REV1: variants seen among roughly 807,000 people sequenced by gnomAD.
REV1 encodes the protein REV1 DNA directed polymerase.
REV1 carries 42 observed loss-of-function variants against 137.4 expected under a neutral mutation model. That is an observed-to-expected ratio of 0.31 (90% CI 0.24 to 0.40). The LOEUF (loss-of-function observed/expected upper bound fraction) is 0.40. REV1 is among the 10% of genes least tolerant of loss of function. The pLI is 1.00. For missense variants in REV1, 1,282 were observed against 1,490.1 expected (o/e 0.86, Z 2.30); for synonymous variants, 524 against 519.2 (o/e 1.01, Z -0.12).
chr2:99,470,284 T>C (rs745671872), intron 1 of REV1, among the ~76,000 whole-genome samples: 1 of 151,888 alleles, frequency 6.6e-6, no homozygotes, highest in Non-Finnish European at 1.5e-5. Flanking sequence ...CTAAAGTCTG[T>C]TGATTAACTA....
At chr2:99,464,774 A>G (rs931697742) in intron 2 of REV1, 148 bp downstream of exon 2, 12 of 696,310 alleles carry the variant, frequency 1.7e-5, no homozygotes, top group South Asian at 6.8e-5. Context: ...TATAAACATC[A>G]TAAGGCTTTC....
intron 4 of REV1, among the ~76,000 whole-genome samples, chr2:99,443,371 ATT>A (rs1340712127): frequency 6.6e-6 from 1 of 152,202 alleles, no homozygotes; most frequent in Non-Finnish European, 1.5e-5. Flanking sequence ...TATGTTTCTT[ATT>A]GTCTCATAAA....
intron 9 of REV1, among the ~76,000 whole-genome samples, chr2:99,425,909 G>T (rs563052134): frequency 5.3e-5 from 8 of 152,076 alleles, no homozygotes; most frequent in African/African-American, 1.9e-4. Flanking sequence ...GGTGGCGCAT[G>T]CCTGTAATCC....
intron 3 of REV1, among the ~76,000 whole-genome samples, chr2:99,450,994 A>G (rs13432046): frequency 0.16 from 24,682 of 152,146 alleles, 2,515 homozygotes; most frequent in African/African-American, 0.27. Context: ...AGGTTAAGTT[A>G]AAAACTGAAC....
rs528832360 is a variant in REV1, at chr2:99,473,420, T to A, written c.-10-8435A>T. Among the ~76,000 whole-genome samples the A allele has an allele frequency of 1.3e-4, 20 of 151,180 alleles. No individual in the cohort carries two copies. The South Asian group carries it at 2.1e-3, about 16-fold the overall frequency. ...GAAAAAAGAAAAAAATTCAGACACC[T>A]AGGTGAAGGGCACAATTTCCCAGAA... On this transcript the variant is annotated intron_variant, in intron 1 of 22. Coordinates refer to ENST00000258428, the MANE Select transcript of REV1 (RefSeq NM_016316.4).
chr2:99,457,600 G>T (rs527811493), intron 3 of REV1, among the ~76,000 whole-genome samples: 2 of 120,936 alleles, frequency 1.7e-5, no homozygotes, highest in African/African-American at 5.9e-5. Context: ...TACAAGAATC[G>T]CTTGAGCCAG....
At chr2:99,406,643 G>A in intron 15 of REV1, 153 bp from the exon 16 acceptor site, 1 of 540,896 alleles carries the variant, frequency 1.8e-6, no homozygotes, top group East Asian at 3.3e-5. Flanking sequence ...CATTCTATAT[G>A]ACTTATTACA....
chr2:99,460,795 G>T (rs1206586354), intron 3 of REV1, among the ~76,000 whole-genome samples: 1 of 151,688 alleles, frequency 6.6e-6, no homozygotes, highest in African/African-American at 2.4e-5. Flanking sequence ...CTATCCTGCA[G>T]AAAAGGATAG....
At chr2:99,436,053 G>A in intron 6 of REV1, 112 bp from the exon 7 acceptor site, 1 of 685,180 alleles carries the variant, frequency 1.5e-6, no homozygotes, top group Non-Finnish European at 2.5e-6. Flanking sequence ...CCAGAATGGA[G>A]TCTTTTTAAA....
chr2:99,406,014 C>A lies in REV1; in HGVS notation c.2707G>T (p.Asp903Tyr). The A allele has an allele frequency of 6.2e-7, 1 of 1,614,032 alleles. No homozygotes were observed. Among genetic ancestry groups the A allele is most frequent in the Non-Finnish European group, 8.5e-7 (1 of 1,179,984 alleles). The stretch of plus-strand genomic sequence containing the variant: ...CCTGAAGACTCAGCCTTGTTAGTAT[C>A]AGGACTGGTCGGCAGATGTGCAGGA... ...PFPAHLPTSP[D>Y]TNKAESSGKW... The change falls in exon 17 of 23, where the codon GAT (aspartate) becomes TAT (tyrosine). Residue 903 changes from aspartate (D) to tyrosine (Y), a missense_variant. Asp to Tyr is a radical substitution (Grantham distance 160, BLOSUM62 -3). Transcript: ENST00000258428.
Position 99,429,847 on chromosome 2 carries a change from C to T in REV1, c.1540G>A (p.Glu514Lys). 1 of 1,585,998 alleles carries T rather than the reference C, an allele frequency of 6.3e-7. No individual in the cohort carries two copies. Among genetic ancestry groups the T allele is most frequent in the Non-Finnish European group, 8.6e-7 (1 of 1,166,880 alleles). Residue 514 changes from glutamate (E) to lysine (K), a missense_variant, in exon 9 of 23, where the codon GAG (glutamate) becomes AAG (lysine). Glu to Lys is a moderately conservative substitution (Grantham distance 56). Transcript: ENST00000258428. The part of the protein sequence containing the change: ...SRAEIASCSY[E>K]ARQLGIKNGM... ...CACACAACTTCTACATACCTGGCCTCATAACTACAAGATGCAATTTCAGCC... is the reference window on the plus strand; with the variant it reads ...CACACAACTTCTACATACCTGGCCTTATAACTACAAGATGCAATTTCAGCC...
chr2:99,403,042 TTTC>T lies in REV1; in HGVS notation c.3228_3230del (p.Lys1078del), dbSNP rs1574961605. 4.3e-6 allele frequency: 7 copies of T among 1,613,978 alleles called. No homozygotes were observed. Among genetic ancestry groups the T allele is most frequent in the Middle Eastern group, 3.3e-4 (2 of 6,058 alleles). ...TCCTTTTTGGTGAACCAATGGTTTT[TTTC>T]TTCTTGTTTCTTTTCTTTTCTTTCA... is the stretch of plus-strand genomic sequence containing the variant. On this transcript the variant is annotated inframe_deletion, in exon 20 of 23. Transcript: ENST00000258428.
intron 8 of REV1, among the ~76,000 whole-genome samples, chr2:99,432,387 C>T (rs926829601): frequency 6.6e-6 from 1 of 151,792 alleles, no homozygotes; most frequent in Non-Finnish European, 1.5e-5. Context: ...AACCGATCCT[C>T]AATATTTTTA....
chr2:99,409,866 CCA>C (rs1491346629), intron 14 of REV1, among the ~76,000 whole-genome samples: 5 of 92,802 alleles, frequency 5.4e-5, no homozygotes, highest in African/African-American at 2.1e-4. Flanking sequence ...CCCCCCCCCC[CCA>C]AAAAAAACAG....
chr2:99,472,808 A>T (rs565639769), intron 1 of REV1, among the ~76,000 whole-genome samples: 1 of 152,382 alleles, frequency 6.6e-6, no homozygotes, highest in South Asian at 2.1e-4. Flanking sequence ...CCCTAAAAAA[A>T]GTTTGGTAAC....
At chr2:99,424,557 T>TAC (rs1339020007) in intron 9 of REV1, 3 of 445,854 alleles carry the variant, frequency 6.7e-6, no homozygotes, top group Admixed American at 3.9e-5. Flanking sequence ...CTAAAACTCA[T>TAC]ACCTCTGGCC....
At position 99,421,658 on chromosome 2, in the gene REV1, C is replaced by G; in HGVS notation, c.1677-5G>C. On this transcript the variant is annotated splice_region_variant and splice_polypyrimidine_tract_variant and intron_variant, in intron 10 of 22. Coordinates refer to ENST00000258428, the MANE Select transcript of REV1 (RefSeq NM_016316.4). ...GCTTCAATGTTATGAGTGTAGCTAT[C>G]AACACAGAGCAAAGGCAACGAATCA... 1 of 1,609,434 alleles carries G rather than the reference C, an allele frequency of 6.2e-7. No homozygotes were observed. Among genetic ancestry groups the G allele is most frequent in the Non-Finnish European group, 8.5e-7 (1 of 1,177,980 alleles).
chr2:99,449,510 A>G lies in REV1; in HGVS notation c.182-6T>C, dbSNP rs1419052485. 1.4e-6 allele frequency: 2 copies of G among 1,407,132 alleles called. No individual in the cohort carries two copies. Among genetic ancestry groups the G allele is most frequent in the Non-Finnish European group, 1.9e-6 (2 of 1,069,206 alleles). 87.2% of individuals were successfully genotyped at this position (1,407,132 alleles called of 1,614,324 possible). ...CAATTCCTCAGCGGAAGGATCTGCA[A>G]AATTTATATTAAAATATATTAAGAG... is the stretch of plus-strand genomic sequence containing the variant. On this transcript the variant is annotated splice_polypyrimidine_tract_variant and splice_region_variant and intron_variant, in intron 3 of 22. Transcript: ENST00000258428.
intron 4 of REV1, among the ~76,000 whole-genome samples, chr2:99,444,758 T>TATATAGA (rs2104893097): frequency 6.6e-6 from 1 of 152,084 alleles, no homozygotes; most frequent in Non-Finnish European, 1.5e-5. Flanking sequence ...TATCTATAGA[T>TATATAGA]ATATAGACAG....
Sources: gnomAD v4.1 joint callset for allele counts (sites outside exome capture counted in the v4.1 genomes callset) on GRCh38, gnomAD v4.1.1 for gene constraint, MANE v1.5 for transcripts, NCBI Gene and HGNC (gene_info 2026-07-23, HGNC 2026-07-21) for gene names.